Variants in RTTN observed in about 807,000 individuals in gnomAD.
The protein encoded by RTTN is rotatin.
RTTN carries 182 observed loss-of-function variants against 269.2 expected under a neutral mutation model. The observed-to-expected ratio is 0.68, with a 90% CI of 0.60 to 0.76. The LOEUF (loss-of-function observed/expected upper bound fraction) is 0.76, where lower values mean the gene tolerates loss of function less well. Ranked by LOEUF, RTTN falls within the 30% of genes least tolerant of loss-of-function variation. The pLI is 0.00. For missense variants in RTTN, 2,545 were observed against 2,608.6 expected, an observed-to-expected ratio of 0.98 and a Z score of 0.53; for synonymous variants, 1,006 against 963.5, an observed-to-expected ratio of 1.04 and a Z score of -0.82.
In RTTN at chr18:70,122,240, A is replaced by G. The variant is rs547799944; in HGVS notation, c.3384-540T>C. 8.5e-5 allele frequency among the ~76,000 whole-genome samples: 13 copies of G among 152,106 alleles called. No individual in the cohort carries two copies. The East Asian group carries it at 2.5e-3, about 29-fold the overall frequency. ...GTTCAGAGCAAAAGGATATGAGCCA[A>G]TTTTCTAAGATTTCTTTAAAAAAAA... On this transcript the variant is annotated intron_variant, in intron 25 of 48. Transcript: ENST00000640769.
intron 34 of RTTN, among the ~76,000 whole-genome samples, chr18:70,066,288 TA>T (rs2144969578): frequency 6.6e-6 from 1 of 152,276 alleles, no homozygotes; most frequent in Non-Finnish European, 1.5e-5. Flanking sequence ...TGATTGACAA[TA>T]AAGATATTTT....
At position 70,186,867 on chromosome 18, in the gene RTTN, C is replaced by T. The variant is rs117599942; in HGVS notation, c.1305+1241G>A. ...GGAATAACAGACACCAGGGATTACT[C>T]GACGGCAGAGAGTGGGAGGAGGACC... On this transcript the variant is annotated intron_variant, in intron 10 of 48. Coordinates refer to ENST00000640769, the MANE Select transcript of RTTN (RefSeq NM_173630.4). 4.9e-3 allele frequency among the ~76,000 whole-genome samples: 748 copies of T among 152,194 alleles called. 3 individuals are homozygous for T. The highest frequency in any genetic ancestry group is 7.7e-3 in the South Asian group (37 of 4,822).
Position 70,073,895 on chromosome 18 carries a change from T to C in RTTN, c.4653+11A>G. Reference sequence around the variant, plus strand: ...TTCAAAATAAAGGACTTATGCATTCTTTGCAAGTACCGTTGTTTCTGAGGT... The same window carrying C: ...TTCAAAATAAAGGACTTATGCATTCCTTGCAAGTACCGTTGTTTCTGAGGT... On this transcript the variant is annotated intron_variant, in intron 34 of 48. Transcript: ENST00000640769. 6.3e-7 allele frequency: 1 copy of C among 1,598,454 alleles called. No individual in the cohort carries two copies. The highest frequency in any genetic ancestry group is 8.6e-7 in the Non-Finnish European group (1 of 1,166,558).
At position 70,135,014 on chromosome 18, in the gene RTTN, T is replaced by C. The variant is rs4891814; in HGVS notation, c.2885+170A>G. 0.96 allele frequency among the ~76,000 whole-genome samples: 145,891 copies of C among 152,244 alleles called. 70,230 individuals are homozygous for C. Among genetic ancestry groups the C allele is most frequent in the East Asian group, 1 (5,184 of 5,184 alleles). ...AAAATTTGAGATAGACTTTCTGAGC[T>C]AATAGGCTTTTGAATACTGTTTATT... On this transcript the variant is annotated intron_variant, in intron 22 of 48. Coordinates refer to ENST00000640769, the MANE Select transcript of RTTN (RefSeq NM_173630.4).
chr18:70,204,122 CAGGAA>C lies in RTTN; in HGVS notation c.356_360del (p.Val119GlyfsTer13), dbSNP rs769385667. On this transcript the variant is annotated frameshift_variant, in exon 3 of 49. Coordinates refer to ENST00000640769, the MANE Select transcript of RTTN (RefSeq NM_173630.4). LOFTEE classifies it high-confidence loss of function. ...GTTTGGTATGAGGCAGAAGATAGTG[CAGGAA>C]CTTCCGAAGGAAGAAGAAAAAGTCC... is the stretch of plus-strand genomic sequence containing the variant. The C allele has an allele frequency of 5.6e-6, 9 of 1,613,692 alleles. No individual in the cohort carries two copies. In the African/African-American group the frequency reaches 1.2e-4, roughly 22 times the overall value.
intron 14 of RTTN, among the ~76,000 whole-genome samples, chr18:70,155,139 T>A (rs1176226828): frequency 6.6e-6 from 1 of 152,178 alleles, no homozygotes; most frequent in East Asian, 1.9e-4. Flanking sequence ...CTATCTTCAA[T>A]CTTTCCTCCT....
intron 46 of RTTN, among the ~76,000 whole-genome samples, chr18:70,013,682 T>TA (rs2056461609): frequency 6.6e-6 from 1 of 152,218 alleles, no homozygotes; most frequent in African/African-American, 2.4e-5. Context: ...AATGTTACCT[T>TA]AATATAATAA....
At chr18:70,047,852 T>C in intron 40 of RTTN, 119 bp downstream of exon 40, 1 of 771,444 alleles carries the variant, frequency 1.3e-6, no homozygotes, top group Non-Finnish European at 2.1e-6. Context: ...TAAACAGTCA[T>C]AATAAGCATT....
chr18:70,037,286 C>A (rs1173518103), intron 40 of RTTN, among the ~76,000 whole-genome samples: 1 of 152,232 alleles, frequency 6.6e-6, no homozygotes, highest in Non-Finnish European at 1.5e-5. Flanking sequence ...AGGGAGACAA[C>A]AGCCAGGGCA....
In RTTN at chr18:70,176,950, T is replaced by C. The variant is rs758977860; in HGVS notation, c.1306-105A>G. On this transcript the variant is annotated intron_variant, in intron 10 of 48. Coordinates refer to ENST00000640769, the MANE Select transcript of RTTN (RefSeq NM_173630.4). ...TTAAAATATTATCATTTTCATTAAATAGGAAAACAAATCAAAACAGAATTT... is the reference window on the plus strand; with the variant it reads ...TTAAAATATTATCATTTTCATTAAACAGGAAAACAAATCAAAACAGAATTT... The C allele has an allele frequency of 2.0e-5, 16 of 803,382 alleles. No individual in the cohort carries two copies. In the Admixed American group the frequency reaches 2.1e-4, roughly 11 times the overall value. The allele number at this position is 803,382 out of a possible 1,614,324, so 49.8% of individuals were successfully genotyped here.
In RTTN at chr18:70,017,404, T is replaced by G; in HGVS notation, c.6421+3A>C. 2 of 1,613,124 alleles carry G rather than the reference T, an allele frequency of 1.2e-6. No individual in the cohort carries two copies. The stretch of plus-strand genomic sequence containing the variant: ...ATAAATGTATGTGTGTGTGAAAACT[T>G]ACCATTAGCCAGGATCTTGGGTTTA... On this transcript the variant is annotated splice_donor_region_variant and intron_variant, in intron 46 of 48. Transcript: ENST00000640769.
intron 32 of RTTN, among the ~76,000 whole-genome samples, chr18:70,081,410 T>G (rs1346298578): frequency 1.3e-5 from 2 of 152,070 alleles, no homozygotes; most frequent in Non-Finnish European, 2.9e-5. Context: ...AGCACCTCCT[T>G]CCAAAAGAAA....
At chr18:70,170,730 G>A (rs2061118304) in intron 11 of RTTN, among the ~76,000 whole-genome samples, 2 of 152,158 alleles carry the variant, frequency 1.3e-5, no homozygotes, top group Non-Finnish European at 2.9e-5. Context: ...TTGGTCTGTA[G>A]AGAACTGATG....
chr18:70,031,447 C>T (rs761254809), intron 40 of RTTN: 7 of 397,762 alleles, frequency 1.8e-5, no homozygotes, highest in Non-Finnish European at 2.7e-5. Flanking sequence ...TTCCATCTTT[C>T]GTTTCTATGG....
intron 32 of RTTN, among the ~76,000 whole-genome samples, chr18:70,083,342 A>G (rs1362113664): frequency 6.6e-6 from 1 of 152,204 alleles, no homozygotes; most frequent in Non-Finnish European, 1.5e-5. Context: ...GACCAAAAGG[A>G]TAACTCAAAT....
intron 21 of RTTN, among the ~76,000 whole-genome samples, chr18:70,136,231 C>T (rs2060120680): frequency 6.6e-6 from 1 of 151,678 alleles, no homozygotes; most frequent in Non-Finnish European, 1.5e-5. Context: ...ATAAGAATTA[C>T]AGCAATGCCT....
intron 19 of RTTN, among the ~76,000 whole-genome samples, chr18:70,140,783 A>G (rs922821553): frequency 8.5e-5 from 13 of 152,282 alleles, no homozygotes; most frequent in African/African-American, 3.1e-4. Flanking sequence ...ACATAAAAAA[A>G]TCTTATATGT....
chr18:70,191,618 G>A (rs2061673582), intron 8 of RTTN, among the ~76,000 whole-genome samples: 1 of 152,168 alleles, frequency 6.6e-6, no homozygotes, highest in Admixed American at 6.5e-5. Flanking sequence ...TAAAGTGCTG[G>A]AGTAAGGATT....
intron 6 of RTTN, among the ~76,000 whole-genome samples, chr18:70,196,898 G>C (rs2061823092): frequency 2.0e-5 from 3 of 152,244 alleles, no homozygotes; most frequent in African/African-American, 7.2e-5. Flanking sequence ...AAATCTGTTA[G>C]TTGAGTAACC....
Sources: allele counts gnomAD v4.1 joint callset (sites outside exome capture counted in the v4.1 genomes callset), GRCh38; gene constraint gnomAD v4.1.1; transcripts MANE v1.5; gene names NCBI Gene and HGNC (gene_info 2026-07-23, HGNC 2026-07-21).